HOMER3: variants seen among roughly 807,000 people sequenced by gnomAD.
The protein encoded by HOMER3 is homer protein homolog 3.
Under a neutral mutation model 45.5 loss-of-function variants are expected in HOMER3, and 34 were observed. That is an observed-to-expected ratio of 0.75 (90% CI 0.57 to 1.00). The LOEUF (loss-of-function observed/expected upper bound fraction) is 1.00, where lower values mean the gene tolerates loss of function less well. HOMER3 is among the 50% of genes least tolerant of loss of function. The pLI is 0.00. For missense variants in HOMER3, 480 were observed against 497.5 expected, an observed-to-expected ratio of 0.96 and a Z score of 0.33; for synonymous variants, 223 against 208.8, an observed-to-expected ratio of 1.07 and a Z score of -0.58.
In HOMER3 at chr19:18,929,716, A is replaced by C. The variant is rs920084617; in HGVS notation, c.895-82T>G. The C allele has an allele frequency of 4.1e-6, 5 of 1,205,540 alleles. No individual in the cohort carries two copies. In the Admixed American group the frequency reaches 1.1e-4, roughly 28 times the overall value. 74.7% of individuals were successfully genotyped at this position (1,205,540 alleles called of 1,614,324 possible). A position where few individuals can be genotyped will look rare whatever the true frequency, so the allele number is the denominator to read the frequency against. On this transcript the variant is annotated intron_variant, in intron 9 of 9. Coordinates refer to ENST00000392351, the MANE Select transcript of HOMER3 (RefSeq NM_004838.4). The stretch of plus-strand genomic sequence containing the variant: ...AGGCATCCAGAGTCTGACCACCTTC[A>C]TGTCCCTCTTCTGCCCAGAGCCATC...
intron 4 of HOMER3, 49 bp from the exon 5 acceptor site, chr19:18,934,459 A>G (rs1209674596): frequency 1.6e-6 from 2 of 1,218,326 alleles, no homozygotes; most frequent in Admixed American, 2.5e-5. Context: ...CCATCCTCCC[A>G]AACAGGTCAC....
At chr19:18,932,207 C>A (rs1476751605) in intron 6 of HOMER3, 75 bp from the exon 7 acceptor site, 4 of 141,740 alleles carry the variant, frequency 2.8e-5, no homozygotes, top group African/African-American at 1.4e-4. Context: ...GGCTAGGGGG[C>A]GGGGCCAGGG....
At chr19:18,933,322 T>C (rs1186273729) in intron 5 of HOMER3, among the ~76,000 whole-genome samples, 1 of 152,108 alleles carries the variant, frequency 6.6e-6, no homozygotes, top group Non-Finnish European at 1.5e-5. Context: ...TAAACCAAGA[T>C]ACTTAGAACC....
intron 4 of HOMER3, among the ~76,000 whole-genome samples, chr19:18,938,109 T>C (rs1450778116): frequency 6.6e-6 from 1 of 152,006 alleles, no homozygotes; most frequent in Non-Finnish European, 1.5e-5. Context: ...GGAGAATCGC[T>C]TGAACCCGGG....
At chr19:18,938,530 C>A in intron 3 of HOMER3, 46 bp from the exon 4 acceptor site, 1 of 1,593,560 alleles carries the variant, frequency 6.3e-7, no homozygotes, top group South Asian at 1.1e-5. Flanking sequence ...CAGATACTAA[C>A]AAACATGAAA....
At chr19:18,935,037 T>G (rs1301918924) in intron 4 of HOMER3, among the ~76,000 whole-genome samples, 1 of 151,922 alleles carries the variant, frequency 6.6e-6, no homozygotes, top group African/African-American at 2.4e-5. Flanking sequence ...AGATGTGGTT[T>G]TACCATGTTG....
At chr19:18,934,873 T>TTG (rs1031333057) in intron 4 of HOMER3, among the ~76,000 whole-genome samples, 2 of 127,878 alleles carry the variant, frequency 1.6e-5, no homozygotes, top group African/African-American at 5.0e-5. Flanking sequence ...TGTTTTTTGT[T>TTG]TTTTTTTTTT....
intron 4 of HOMER3, among the ~76,000 whole-genome samples, chr19:18,937,032 G>T (rs1459426083): frequency 2.6e-5 from 4 of 151,818 alleles, no homozygotes; most frequent in African/African-American, 9.7e-5. Flanking sequence ...TTGTCTGGGT[G>T]CAGTGGCTCA....
chr19:18,939,109 G>T, intron 1 of HOMER3, 60 bp from the exon 2 acceptor site: 3 of 964,954 alleles, frequency 3.1e-6, no homozygotes, highest in Non-Finnish European at 4.5e-6. Flanking sequence ...GGCCAAGCAG[G>T]TTCCATCTCA....
intron 9 of HOMER3, among the ~76,000 whole-genome samples, chr19:18,930,151 G>A (rs1357908751): frequency 6.6e-6 from 1 of 151,566 alleles, no homozygotes; most frequent in East Asian, 2.0e-4. Context: ...TCTGGAGGCT[G>A]AGGCAGGAGA....
At chr19:18,933,865 T>A (rs2057064488) in intron 5 of HOMER3, among the ~76,000 whole-genome samples, 1 of 152,126 alleles carries the variant, frequency 6.6e-6, no homozygotes, top group South Asian at 2.1e-4. Flanking sequence ...CCACCACGCC[T>A]GGCTAATTTT....
chr19:18,934,801 A>G (rs1397137374), intron 4 of HOMER3, among the ~76,000 whole-genome samples: 2 of 151,702 alleles, frequency 1.3e-5, no homozygotes, highest in Non-Finnish European at 2.9e-5. Context: ...GTGTGCCATC[A>G]TGCCCGGCTA....
chr19:18,931,862 T>C (rs928781117), intron 7 of HOMER3, 114 bp downstream of exon 7: 92 of 1,429,284 alleles, frequency 6.4e-5, no homozygotes, highest in Non-Finnish European at 8.0e-5. Flanking sequence ...GTCAGTGACC[T>C]GCTGAGGTCA....
rs1947294781 is a variant in HOMER3, at chr19:18,938,349, C to A, written c.303+4G>T. 1 of 1,600,028 alleles carries A rather than the reference C, an allele frequency of 6.2e-7. No homozygotes were observed. Among genetic ancestry groups the A allele is most frequent in the African/African-American group, 1.3e-5 (1 of 74,692 alleles). ...CCCTCCACTCTCCCCCTCACCCGGC[C>A]CACCTGTGTCAGATGCTGTTCAGAG... On this transcript the variant is annotated splice_donor_region_variant and intron_variant, in intron 4 of 9. Coordinates refer to ENST00000392351, the MANE Select transcript of HOMER3 (RefSeq NM_004838.4).
Position 18,932,961 on chromosome 19 carries a change from T to G in HOMER3, c.496A>C (p.Thr166Pro). ...ATCTTCTTTAGCCGCTCGCGCTCTGTGGGGCCGGGGGCATCAGCGCTCTGG... is the reference window on the plus strand; with the variant it reads ...ATCTTCTTTAGCCGCTCGCGCTCTGGGGGGCCGGGGGCATCAGCGCTCTGG... Reference protein sequence around the residue: ...RSQSADAPGPTERERLKKMLS... With the variant: ...RSQSADAPGPPERERLKKMLS... Residue 166 changes from threonine to proline, a missense_variant, in exon 6 of 10, where the codon ACA (threonine) becomes CCA (proline). Thr to Pro is a conservative substitution (Grantham distance 38). Coordinates refer to ENST00000392351, the MANE Select transcript of HOMER3 (RefSeq NM_004838.4). The G allele has an allele frequency of 7.0e-7, 1 of 1,427,844 alleles. No individual in the cohort carries two copies. Among genetic ancestry groups the G allele is most frequent in the Non-Finnish European group, 9.2e-7 (1 of 1,086,096 alleles). The allele number at this position is 1,427,844 out of a possible 1,614,324, so 88.4% of individuals were successfully genotyped here.
intron 4 of HOMER3, among the ~76,000 whole-genome samples, chr19:18,936,715 C>T (rs949077673): frequency 1.0e-4 from 15 of 147,670 alleles, no homozygotes; most frequent in African/African-American, 2.0e-4. Context: ...TGGGGCCGGG[C>T]GCGGTGGCTC....
At position 18,938,795 on chromosome 19, in the gene HOMER3, A is replaced by C; in HGVS notation, c.104T>G (p.Leu35Arg). 6.2e-7 allele frequency: 1 copy of C among 1,600,352 alleles called. No homozygotes were observed. Among genetic ancestry groups the C allele is most frequent in the Non-Finnish European group, 8.5e-7 (1 of 1,173,758 alleles). Residue 35 changes from leucine to arginine, a missense_variant, in exon 3 of 10, where the codon CTC becomes CGC. Coordinates refer to ENST00000392351, the MANE Select transcript of HOMER3 (RefSeq NM_004838.4). ...RNWIPAGKHA[L>R]TVSYFYDATR... ...GGCATCGTAGAAATAGGAGACAGTGAGTGCGTGCTTGCCCGCTGGGATCCA... is the reference window on the plus strand; with the variant it reads ...GGCATCGTAGAAATAGGAGACAGTGCGTGCGTGCTTGCCCGCTGGGATCCA...
chr19:18,938,809 C>G lies in HOMER3; in HGVS notation c.90G>C (p.Ala30=). Residue 30 remains alanine, a synonymous_variant, in exon 3 of 10, where the codon GCG becomes GCC. Transcript: ENST00000392351. ...DPATKRNWIP[A]GKHALTVSYF... ...AGGAGACAGTGAGTGCGTGCTTGCC[C>G]GCTGGGATCCAGTTTCGCTTGGTGG... 6.3e-7 allele frequency: 1 copy of G among 1,599,874 alleles called. No individual in the cohort carries two copies. The highest frequency in any genetic ancestry group is 8.5e-7 in the Non-Finnish European group (1 of 1,173,450).
At chr19:18,940,356 G>A (rs2057141963) in intron 1 of HOMER3, 1 of 152,254 alleles carries the variant, frequency 6.6e-6, no homozygotes, top group South Asian at 2.1e-4. Flanking sequence ...GCCGGCCACG[G>A]GGCTCCCGGA....
Sources: allele counts gnomAD v4.1 joint callset (sites outside exome capture counted in the v4.1 genomes callset), GRCh38; gene constraint gnomAD v4.1.1; transcripts MANE v1.5; gene names NCBI Gene and HGNC (gene_info 2026-07-23, HGNC 2026-07-21).